SPTBN5: variants seen among roughly 807,000 people sequenced by gnomAD.
SPTBN5 encodes spectrin beta, non-erythrocytic 5.
SPTBN5 carries 513 observed loss-of-function variants against 477.6 expected under a neutral mutation model. The observed-to-expected ratio is 1.07, with a 90% confidence interval of 1.00 to 1.16. The LOEUF (loss-of-function observed/expected upper bound fraction) is 1.16, where lower values mean the gene tolerates loss of function less well. SPTBN5 is among the 50% of genes most tolerant of loss of function. The pLI, the probability that SPTBN5 is intolerant of heterozygous loss-of-function variation, is 0.00. For synonymous variants in SPTBN5, 2,169 were observed against 2,011.7 expected (o/e 1.08, Z -2.09); for missense variants, 5,062 against 4,731.8 (o/e 1.07, Z -2.05).
In SPTBN5 at chr15:41,852,199, C is replaced by T; in HGVS notation, c.10567G>A (p.Glu3523Lys). The T allele has an allele frequency of 6.3e-7, 1 of 1,599,442 alleles. No individual in the cohort carries two copies. ...GHQGLGAQLA[E>K]TRDPQDAKGT... ...ACACCTGCCTGGGGGTCCCTCGTCT[C>T]AGCCAGCTGTGCTCCTAGCCCCTGG... Residue 3523 changes from glutamate (E) to lysine (K), a missense_variant, in exon 62 of 68, where the codon GAG becomes AAG. Physicochemically the swap from Glu to Lys is moderately conservative, Grantham distance 56. Coordinates refer to ENST00000320955, the MANE Select transcript of SPTBN5 (RefSeq NM_016642.4).
In SPTBN5 at chr15:41,875,489, C is replaced by T; in HGVS notation, c.4256G>A (p.Gly1419Glu). 1 of 1,612,622 alleles carries T rather than the reference C, an allele frequency of 6.2e-7. No individual in the cohort carries two copies. Among genetic ancestry groups the T allele is most frequent in the Non-Finnish European group, 8.5e-7 (1 of 1,179,542 alleles). ...TERGDELQQA[G>E]QQEQLLRQLQ... ...CTGCCTCAGGAGTTGCTCCTGCTGT[C>T]CAGCCTGCTGGAGCTCGTCCCCACG... The change falls in exon 22 of 68, where the codon GGA becomes GAA. Residue 1419 changes from glycine (G) to glutamate (E), a missense_variant. Gly to Glu is a moderately conservative substitution (Grantham distance 98). Transcript: ENST00000320955.
chr15:41,889,455 T>A (rs755780158), intron 4 of SPTBN5, among the ~76,000 whole-genome samples: 4 of 152,132 alleles, frequency 2.6e-5, no homozygotes, highest in Non-Finnish European at 4.4e-5. Flanking sequence ...TCTCACTCTG[T>A]GACCCAGGCT....
At chr15:41,891,030 T>C (rs929916685) in intron 3 of SPTBN5, among the ~76,000 whole-genome samples, 1 of 152,260 alleles carries the variant, frequency 6.6e-6, no homozygotes, top group Admixed American at 6.5e-5. Context: ...GGTATCTGCA[T>C]GGCTATTCAC....
At position 41,868,177 on chromosome 15, in the gene SPTBN5, C is replaced by T; in HGVS notation, c.6099G>A (p.Gln2033=). Residue 2033 remains glutamine, a synonymous_variant, in exon 34 of 68, where the codon CAG becomes CAA. Transcript: ENST00000320955. ...GCTTCCGTGCCCAGGTCTGATACAC[C>T]TGGTCCCGCTGGTCCTGCAGGGCTC... ...ELRALQDQRD[Q]VYQTWARKQE... 1 of 1,582,124 alleles carries T rather than the reference C, an allele frequency of 6.3e-7. No homozygotes were observed. The highest frequency in any genetic ancestry group is 1.2e-5 in the South Asian group (1 of 86,392).
rs1302369525 is a variant in SPTBN5, at chr15:41,850,890, C to T, written c.10885G>A (p.Ala3629Thr). Reference protein sequence around the residue: ...ILFAAPSEEQAESWWRALGST... With the variant: ...ILFAAPSEEQTESWWRALGST... ...CCCAGGGCTCGCCACCAGCTCTCAG[C>T]CTGCTCTTCGGACGGTGCTGCAAAC... Residue 3629 changes from alanine to threonine, a missense_variant, in exon 66 of 68, where the codon GCT becomes ACT. Coordinates refer to ENST00000320955, the MANE Select transcript of SPTBN5 (RefSeq NM_016642.4). 2 of 1,604,212 alleles carry T rather than the reference C, an allele frequency of 1.2e-6. No individual in the cohort carries two copies. Among genetic ancestry groups the T allele is most frequent in the African/African-American group, 1.3e-5 (1 of 74,684 alleles).
chr15:41,867,215 C>T, intron 35 of SPTBN5, 89 bp from the exon 36 acceptor site: 3 of 1,397,360 alleles, frequency 2.1e-6, no homozygotes, highest in Non-Finnish European at 2.8e-6. Context: ...CTTTGAGGGC[C>T]CCGGAGCCCT....
chr15:41,849,848 T>A, intron 67 of SPTBN5, 21 bp downstream of exon 67: 1 of 1,553,076 alleles, frequency 6.4e-7, no homozygotes, highest in Non-Finnish European at 8.7e-7. Context: ...CCGCCCTGCT[T>A]CCCCCACCCA....
At position 41,851,106 on chromosome 15, in the gene SPTBN5, A is replaced by G. The variant is rs373076049; in HGVS notation, c.10788T>C (p.Cys3596=). ...IALLDLTGAR[C]ERLRGRHGRK... ...TGCCGTGGCGGCCCCGCAGCCTCTC[A>G]CACCGGGCTCCCGTGAGGTCAAGGA... is the stretch of plus-strand genomic sequence containing the variant. Residue 3596 remains cysteine (C), a synonymous_variant, in exon 65 of 68, where the codon TGT becomes TGC. Transcript: ENST00000320955. 7 of 1,613,130 alleles carry G rather than the reference A, an allele frequency of 4.3e-6. No individual in the cohort carries two copies. The South Asian group carries it at 5.5e-5, about 13-fold the overall frequency.
At chr15:41,852,547 G>C in intron 61 of SPTBN5, 87 bp downstream of exon 61, 1 of 1,433,248 alleles carries the variant, frequency 7.0e-7, no homozygotes, top group Non-Finnish European at 9.8e-7. Flanking sequence ...CCGGGTGAGG[G>C]CTCAGTGCCC....
chr15:41,851,304 C>G lies in SPTBN5; in HGVS notation c.10722G>C (p.Leu3574=). 6.4e-7 allele frequency: 1 copy of G among 1,551,210 alleles called. No individual in the cohort carries two copies. Among genetic ancestry groups the G allele is most frequent in the South Asian group, 1.2e-5 (1 of 84,056 alleles). Residue 3574 remains leucine, a synonymous_variant, in exon 64 of 68, where the codon CTG becomes CTC. Transcript: ENST00000320955. The part of the protein sequence containing the change: ...NLQGSSLSLF[L]DERMAAEKVA... ...GTACCTCCGCTGCCATCCTCTCATC[C>G]AGGAACAGGCTCAGAGAGCTGCCCT...
Position 41,865,127 on chromosome 15 carries a change from G to A in SPTBN5, c.6918+681C>T, listed in dbSNP as rs117387738. On this transcript the variant is annotated intron_variant, in intron 39 of 67. Coordinates refer to ENST00000320955, the MANE Select transcript of SPTBN5 (RefSeq NM_016642.4). ...ATACATACATGTACCGGGGGACAAG[G>A]TTAGCACATTTGGTCTTTAACACCT... Among the ~76,000 whole-genome samples, 38 of 152,294 alleles carry A rather than the reference G, an allele frequency of 2.5e-4. No homozygotes were observed. The East Asian group carries it at 7.3e-3, about 29-fold the overall frequency.
intron 7 of SPTBN5, among the ~76,000 whole-genome samples, chr15:41,884,853 C>T (rs1416638867): frequency 2.0e-5 from 3 of 152,326 alleles, no homozygotes; most frequent in Middle Eastern, 3.4e-3. Flanking sequence ...GGCATGTGCT[C>T]GCCTAAAAGG....
Position 41,881,100 on chromosome 15 carries a change from G to A in SPTBN5, c.2592C>T (p.Pro864=). The A allele has an allele frequency of 1.9e-6, 3 of 1,612,492 alleles. No homozygotes were observed. The highest frequency in any genetic ancestry group is 2.5e-6 in the Non-Finnish European group (3 of 1,179,290). Residue 864 remains proline, a synonymous_variant, in exon 13 of 68, where the codon CCC becomes CCT. Transcript: ENST00000320955. ...LPAEPDPDFD[P]NTILQTQDHL... ...GGTCCTGTGTCTGGAGTATAGTGTT[G>A]GGATCAAAGTCAGGGTCAGGCTCAG...
chr15:41,882,286 C>T lies in SPTBN5; in HGVS notation c.2230G>A (p.Ala744Thr), dbSNP rs1187059014. 1 of 1,419,306 alleles carries T rather than the reference C, an allele frequency of 7.0e-7. No homozygotes were observed. The highest frequency in any genetic ancestry group is 2.2e-5 in the Admixed American group (1 of 46,448). The allele number at this position is 1,419,306 out of a possible 1,614,324, so 87.9% of individuals were successfully genotyped here. ...CCCACTACCTGCAGGACCAGCAGGG[C>T]TGTCTGCAGCCGTGCGCCCCGCCCC... is the stretch of plus-strand genomic sequence containing the variant. The part of the protein sequence containing the change: ...VVGRGARLQT[A>T]LLVLQYFADA... Residue 744 changes from alanine (A) to threonine (T), a missense_variant, in exon 11 of 68, where the codon GCC becomes ACC. Physicochemically the swap from Ala to Thr is moderately conservative, Grantham distance 58 (BLOSUM62 0). Transcript: ENST00000320955.
intron 59 of SPTBN5, 102 bp from the exon 60 acceptor site, chr15:41,853,102 G>C: frequency 7.0e-7 from 1 of 1,431,640 alleles, no homozygotes; most frequent in Non-Finnish European, 9.3e-7. Context: ...CAGAGGGAAG[G>C]CTGTGAGACC....
chr15:41,875,100 C>T (rs758643168), intron 22 of SPTBN5, 44 bp from the exon 23 acceptor site: 2 of 1,543,698 alleles, frequency 1.3e-6, no homozygotes, highest in Admixed American at 3.7e-5. Context: ...CTGTGTACAG[C>T]ACAGCAAGTG....
chr15:41,863,950 T>A lies in SPTBN5; in HGVS notation c.6993A>T (p.Glu2331Asp), dbSNP rs200561469. Residue 2331 changes from glutamate (E) to aspartate (D), a missense_variant, in exon 40 of 68, where the codon GAA becomes GAT. Glu to Asp is a conservative substitution (Grantham distance 45, BLOSUM62 2). Transcript: ENST00000320955. ...TTCGCCGCTGGCAGATGATCTTGACTTCCTCAGGGTCCCGGTTCTTGAGCT... is the reference window on the plus strand; with the variant it reads ...TTCGCCGCTGGCAGATGATCTTGACATCCTCAGGGTCCCGGTTCTTGAGCT... ...SLQLKNRDPE[E>D]VKIICQRRSQ... The A allele has an allele frequency of 9.3e-5, 150 of 1,613,902 alleles. No individual in the cohort carries two copies. The African/African-American group carries it at 1.9e-3, about 21-fold the overall frequency.
rs139025405 is a variant in SPTBN5, at chr15:41,854,635, G to T, written c.9618+147C>A. 3 of 658,030 alleles carry T rather than the reference G, an allele frequency of 4.6e-6. No homozygotes were observed. In the African/African-American group the frequency reaches 5.5e-5, roughly 12 times the overall value. The allele number at this position is 658,030 out of a possible 1,614,324, so 40.8% of individuals were successfully genotyped here. On this transcript the variant is annotated intron_variant, in intron 56 of 67. Coordinates refer to ENST00000320955, the MANE Select transcript of SPTBN5 (RefSeq NM_016642.4). ...GGCTGCAGCCAATTCCTGGAAGAAA[G>T]CTGAGCAGGTGAGGGAAAAGGCACA...
At position 41,862,665 on chromosome 15, in the gene SPTBN5, G is replaced by T. The variant is rs537759129; in HGVS notation, c.7264-5C>A. 4.5e-6 allele frequency: 7 copies of T among 1,548,140 alleles called. No homozygotes were observed. Among genetic ancestry groups the T allele is most frequent in the African/African-American group, 1.4e-5 (1 of 73,624 alleles). On this transcript the variant is annotated splice_polypyrimidine_tract_variant and splice_region_variant and intron_variant, in intron 42 of 67. Coordinates refer to ENST00000320955, the MANE Select transcript of SPTBN5 (RefSeq NM_016642.4). Reference sequence around the variant, plus strand: ...GCCCACTTCACGCTCTAGGGACTGCGGGGGAAGCCGGGGTCAGAGGCTGGG... The same window carrying T: ...GCCCACTTCACGCTCTAGGGACTGCTGGGGAAGCCGGGGTCAGAGGCTGGG...
Sources: gnomAD v4.1 joint callset for allele counts (sites outside exome capture counted in the v4.1 genomes callset) on GRCh38, gnomAD v4.1.1 for gene constraint, MANE v1.5 for transcripts, NCBI Gene and HGNC (gene_info 2026-07-23, HGNC 2026-07-21) for gene names.